The following FBXL2 variants were observed in gnomAD, a reference collection of about 807,000 sequenced individuals.
The protein encoded by FBXL2 is F-box/LRR-repeat protein 2.
Under a neutral mutation model 69.2 loss-of-function variants are expected in FBXL2, and 38 were observed. The ratio of observed to expected loss-of-function variants is 0.55; its 90% CI spans 0.42 to 0.72. The LOEUF (loss-of-function observed/expected upper bound fraction) is 0.72. Ranked by LOEUF, FBXL2 falls within the 30% of genes least tolerant of loss-of-function variation. The pLI is 0.00. For missense variants in FBXL2, 354 were observed against 520.3 expected (o/e 0.68, Z 3.11); for synonymous variants, 192 against 201.3 (o/e 0.95, Z 0.39).
At chr3:33,366,913 A>G (rs1292099168) in intron 5 of FBXL2, among the ~76,000 whole-genome samples, 4 of 152,156 alleles carry the variant, frequency 2.6e-5, no homozygotes, top group East Asian at 1.9e-4. Flanking sequence ...GGCAGTGAGC[A>G]AGCAACAGAA....
rs1450782989 is a variant in FBXL2, at chr3:33,282,429, A to G, written c.3+4914A>G. On this transcript the variant is annotated intron_variant, in intron 1 of 14. Coordinates refer to ENST00000484457, the MANE Select transcript of FBXL2 (RefSeq NM_012157.5). ...ATATATCTGTTTTGGTACCAGTACC[A>G]TGCTGTTTTGGTTACTGTAGCCTTG... 1.1e-4 allele frequency among the ~76,000 whole-genome samples: 17 copies of G among 152,290 alleles called. 1 individual carries two copies. In the East Asian group the frequency reaches 3.1e-3, roughly 28 times the overall value.
chr3:33,398,246 G>A (rs2044084210), intron 12 of FBXL2: 1 of 152,170 alleles, frequency 6.6e-6, no homozygotes, highest in Non-Finnish European at 1.5e-5. Flanking sequence ...GAAGATAATG[G>A]AGTCATCTTT....
At position 33,281,791 on chromosome 3, in the gene FBXL2, G is replaced by A. The variant is rs1322225391; in HGVS notation, c.3+4276G>A. On this transcript the variant is annotated intron_variant, in intron 1 of 14. Coordinates refer to ENST00000484457, the MANE Select transcript of FBXL2 (RefSeq NM_012157.5). ...GGTTTTGATTTGCATTTCTCTGATGGCCAGTGATGATGAGCATTTTTTCAT... is the reference window on the plus strand; with the variant it reads ...GGTTTTGATTTGCATTTCTCTGATGACCAGTGATGATGAGCATTTTTTCAT... 2.0e-5 allele frequency among the ~76,000 whole-genome samples: 3 copies of A among 151,994 alleles called. No homozygotes were observed. In the East Asian group the frequency reaches 5.8e-4, roughly 29 times the overall value.
intron 11 of FBXL2, among the ~76,000 whole-genome samples, chr3:33,377,804 A>G (rs895405244): frequency 1.3e-5 from 2 of 152,194 alleles, no homozygotes; most frequent in African/African-American, 4.8e-5. Context: ...AGTCTAGGCT[A>G]TGGCTAAAAT....
intron 2 of FBXL2, among the ~76,000 whole-genome samples, chr3:33,344,130 T>C (rs920783255): frequency 9.9e-5 from 15 of 151,592 alleles, no homozygotes; most frequent in Admixed American, 9.8e-4. Flanking sequence ...GAAAAAAAGC[T>C]ATAAAATACC....
chr3:33,341,834 A>G (rs1476560441), intron 2 of FBXL2, among the ~76,000 whole-genome samples: 34 of 4,212 alleles, frequency 8.1e-3, no homozygotes, highest in African/African-American at 0.063. Context: ...CGTCTCAGGA[A>G]AAAAAAAAAA....
At chr3:33,394,988 T>C (rs1033673552) in intron 12 of FBXL2, among the ~76,000 whole-genome samples, 4 of 152,150 alleles carry the variant, frequency 2.6e-5, no homozygotes, top group Non-Finnish European at 4.4e-5. Context: ...CAGAAAAAGT[T>C]TGCTGATTAT....
chr3:33,286,842 G>A (rs540591474), intron 1 of FBXL2, among the ~76,000 whole-genome samples: 26 of 152,364 alleles, frequency 1.7e-4, no homozygotes, highest in Non-Finnish European at 2.2e-4. Context: ...TGAGCCAGGC[G>A]CGGGATATAA....
chr3:33,403,401 A>G (rs1335073478), exon 13 of FBXL2: 1 of 192,420 alleles, frequency 5.2e-6, no homozygotes, highest in Non-Finnish European at 1.1e-5. Flanking sequence ...TGCTTCTCTG[A>G]TACCTCTAAA....
chr3:33,328,801 A>ATGTGTGTG (rs60685309), intron 2 of FBXL2, among the ~76,000 whole-genome samples: 9 of 146,782 alleles, frequency 6.1e-5, no homozygotes, highest in South Asian at 2.2e-4. Context: ...GTGTGTGTGC[A>ATGTGTGTG]TGTGTGTGTG....
chr3:33,396,222 G>A lies in FBXL2; in HGVS notation n.1215-7012G>A, dbSNP rs766634491. 4 of 1,595,880 alleles carry A rather than the reference G, an allele frequency of 2.5e-6. 1 individual carries two copies. Among genetic ancestry groups the A allele is most frequent in the East Asian group, 4.5e-5 (2 of 44,390 alleles). The stretch of plus-strand genomic sequence containing the variant: ...CTTGCAGCTTGCTGCTGCCCTTGCA[G>A]CACTGTGCTGCTTGGCTGCTCCCGG... On this transcript the variant is annotated intron_variant and non_coding_transcript_variant, in intron 12 of 12. Transcript: ENST00000463736.
downstream of FBXL2, among the ~76,000 whole-genome samples, chr3:33,405,846 G>A (rs1468959542): frequency 2.0e-5 from 3 of 152,106 alleles, no homozygotes; most frequent in Non-Finnish European, 4.4e-5. Context: ...CACACTGAGG[G>A]CAGAAATTAA....
chr3:33,377,398 G>A (rs951910341), intron 11 of FBXL2, 65 bp downstream of exon 11: 20 of 1,540,426 alleles, frequency 1.3e-5, no homozygotes, highest in Non-Finnish European at 1.8e-5. Flanking sequence ...AAGTGACTTG[G>A]AGTGGTTTTG....
chr3:33,286,739 G>A (rs915652998), intron 1 of FBXL2, among the ~76,000 whole-genome samples: 11 of 152,164 alleles, frequency 7.2e-5, no homozygotes, highest in Non-Finnish European at 1.2e-4. Context: ...CAGCAATGGC[G>A]GGCCCCTCTC....
intron 2 of FBXL2, among the ~76,000 whole-genome samples, chr3:33,299,035 A>ATTTATTTATTTATTTT (rs2036017170): frequency 6.6e-6 from 1 of 150,746 alleles, no homozygotes; most frequent in African/African-American, 2.5e-5. Context: ...AATTTTATTT[A>ATTTATTTATTTATTTT]TTTATTTATT....
At chr3:33,358,944 G>C in intron 2 of FBXL2, 23 bp from the exon 3 acceptor site, 2 of 1,468,534 alleles carry the variant, frequency 1.4e-6, no homozygotes, top group Non-Finnish European at 1.8e-6. Context: ...TCTCGTTTTT[G>C]TGTTTTTTTC....
At position 33,387,649 on chromosome 3, in the gene FBXL2, G is replaced by C. The variant is rs992992309; in HGVS notation, c.*2041G>C. The C allele has an allele frequency of 6.0e-5, 9 of 149,318 alleles. No homozygotes were observed. Among genetic ancestry groups the C allele is most frequent in the African/African-American group, 2.2e-4 (9 of 40,068 alleles). The allele number at this position is 149,318 out of a possible 1,614,324, so 9.2% of individuals were successfully genotyped here. On this transcript the variant is annotated 3_prime_UTR_variant, in exon 15 of 15. Transcript: ENST00000484457. ...AACAAACAAACAAAACAAACCACCA[G>C]AGCCTTCTATACATGATTGATTTCT...
At chr3:33,339,877 C>T (rs79230114) in intron 2 of FBXL2, among the ~76,000 whole-genome samples, 2,184 of 152,222 alleles carry the variant, frequency 0.014, 52 homozygotes, top group African/African-American at 0.05. Context: ...TAGAAACAAC[C>T]TAAATGTCAC....
At chr3:33,311,381 G>C (rs776433053) in intron 2 of FBXL2, among the ~76,000 whole-genome samples, 1 of 151,756 alleles carries the variant, frequency 6.6e-6, no homozygotes, top group Non-Finnish European at 1.5e-5. Context: ...CTTTTTCTCT[G>C]CTCCTTTTGG....
Sources: allele counts gnomAD v4.1 joint callset (sites outside exome capture counted in the v4.1 genomes callset), GRCh38; gene constraint gnomAD v4.1.1; transcripts MANE v1.5; gene names NCBI Gene and HGNC (gene_info 2026-07-23, HGNC 2026-07-21).